Variants in FAM78B observed in about 807,000 individuals in gnomAD.
FAM78B encodes protein FAM78B.
FAM78B carries 10 observed loss-of-function variants against 20.0 expected under a neutral mutation model. That is an observed-to-expected ratio of 0.50 (90% CI 0.31 to 0.85). FAM78B has a LOEUF of 0.85. Ranked by LOEUF, FAM78B falls within the 40% of genes least tolerant of loss-of-function variation. The probability of loss-of-function intolerance (pLI) is 0.05; values close to 1 mark genes in which losing one functional copy is unlikely to be tolerated. For missense variants in FAM78B, 283 were observed against 345.0 expected (o/e 0.82, Z 1.42); for synonymous variants, 135 against 132.8 (o/e 1.02, Z -0.12).
chr1:166,090,989 G>A (rs576169756), intron 1 of FAM78B, among the ~76,000 whole-genome samples: 1 of 152,288 alleles, frequency 6.6e-6, no homozygotes, highest in South Asian at 2.1e-4. Context: ...GTGCGACTGA[G>A]GTTTGGGGAG....
intron 1 of FAM78B, chr1:166,154,672 G>C: frequency 3.9e-6 from 2 of 518,376 alleles, no homozygotes; most frequent in South Asian, 2.9e-5. Context: ...AAAACAGGGG[G>C]AGGTGACCAC....
At chr1:166,109,797 GATATATATGTATATATGTATATATAT>G (rs1653924182) in intron 1 of FAM78B, among the ~76,000 whole-genome samples, 1 of 88,908 alleles carries the variant, frequency 1.1e-5, no homozygotes, top group African/African-American at 3.7e-5. Flanking sequence ...AAGAAACTGT[GATATATATGTATATATGTATATATAT>G]ATATATATGT....
At chr1:166,141,570 T>TA (rs1409517148) in intron 1 of FAM78B, among the ~76,000 whole-genome samples, 1 of 152,210 alleles carries the variant, frequency 6.6e-6, no homozygotes, top group African/African-American at 2.4e-5. Context: ...GAACAGTTGT[T>TA]AAACTAGTAA....
chr1:166,153,366 C>G (rs888498363), intron 1 of FAM78B, among the ~76,000 whole-genome samples: 3 of 152,186 alleles, frequency 2.0e-5, no homozygotes, highest in Admixed American at 6.5e-5. Flanking sequence ...CCAAGACAAG[C>G]AGAGGGTCAG....
intron 1 of FAM78B, among the ~76,000 whole-genome samples, chr1:166,137,048 T>C (rs940932371): frequency 6.6e-6 from 1 of 152,226 alleles, no homozygotes; most frequent in Non-Finnish European, 1.5e-5. Flanking sequence ...CCTTTACTTT[T>C]CCTACAGATC....
intron 1 of FAM78B, among the ~76,000 whole-genome samples, chr1:166,157,818 C>A (rs547713800): frequency 6.6e-6 from 1 of 152,110 alleles, no homozygotes; most frequent in Admixed American, 6.5e-5. Flanking sequence ...TGTAGGCACA[C>A]GGCTAAAAGC....
chr1:166,065,642 C>T (rs1341892456), downstream of FAM78B, among the ~76,000 whole-genome samples: 1 of 152,214 alleles, frequency 6.6e-6, no homozygotes, highest in African/African-American at 2.4e-5. Flanking sequence ...GGGGATGACA[C>T]TCCATCTCCC....
At chr1:166,101,251 G>A (rs1361859190) in intron 1 of FAM78B, among the ~76,000 whole-genome samples, 1 of 152,170 alleles carries the variant, frequency 6.6e-6, no homozygotes, top group Non-Finnish European at 1.5e-5. Flanking sequence ...AAAAAACAGA[G>A]CAGAAAAACT....
At chr1:166,149,373 C>T (rs1024716026) in intron 1 of FAM78B, among the ~76,000 whole-genome samples, 2 of 152,210 alleles carry the variant, frequency 1.3e-5, no homozygotes, top group East Asian at 3.9e-4. Context: ...TTGGGCAATT[C>T]CTTTTTACCT....
At chr1:166,060,756 G>T in intron 2 of FAM78B, 1 of 746,502 alleles carries the variant, frequency 1.3e-6, no homozygotes. Context: ...TCATGATCTG[G>T]GCTCCATTAA....
At chr1:166,087,624 C>T (rs1312579558) in intron 1 of FAM78B, 1 of 152,146 alleles carries the variant, frequency 6.6e-6, no homozygotes, top group East Asian at 1.9e-4. Flanking sequence ...ACAAATGCAA[C>T]AACTTAGATG....
intron 1 of FAM78B, among the ~76,000 whole-genome samples, chr1:166,099,857 A>G (rs931290854): frequency 6.6e-6 from 1 of 152,238 alleles, no homozygotes; most frequent in Non-Finnish European, 1.5e-5. Context: ...TGACAGCACT[A>G]GACAGGTCAT....
intron 1 of FAM78B, among the ~76,000 whole-genome samples, chr1:166,091,803 T>C (rs1002739218): frequency 6.6e-6 from 1 of 152,204 alleles, no homozygotes; most frequent in African/African-American, 2.4e-5. Flanking sequence ...TTCACAATAA[T>C]GCTATGAAAT....
intron 1 of FAM78B, among the ~76,000 whole-genome samples, chr1:166,143,238 T>C (rs1447788355): frequency 6.6e-6 from 1 of 152,102 alleles, no homozygotes; most frequent in Non-Finnish European, 1.5e-5. Flanking sequence ...AGAGGCCTAA[T>C]TCAGACTGGG....
intron 1 of FAM78B, among the ~76,000 whole-genome samples, chr1:166,129,844 A>G (rs912263057): frequency 6.6e-6 from 1 of 152,088 alleles, no homozygotes; most frequent in Non-Finnish European, 1.5e-5. Flanking sequence ...TTGCCACATG[A>G]CCCTCTTCAA....
chr1:166,102,049 A>G (rs1027363833), intron 1 of FAM78B, among the ~76,000 whole-genome samples: 16 of 152,232 alleles, frequency 1.1e-4, no homozygotes, highest in Non-Finnish European at 8.8e-5. Flanking sequence ...AGTGGGGGCC[A>G]ATATTCAACA....
chr1:166,109,844 A>ATG lies in FAM78B; in HGVS notation c.264-39082_264-39081insCA, dbSNP rs1417465026. 2.0e-3 allele frequency among the ~76,000 whole-genome samples: 54 copies of ATG among 26,494 alleles called. 3 individuals are homozygous for ATG. Among genetic ancestry groups the ATG allele is most frequent in the African/African-American group, 5.0e-3 (51 of 10,110 alleles). 17.4% of individuals were successfully genotyped at this position (26,494 alleles called of 152,430 possible). A position where few individuals can be genotyped will look rare whatever the true frequency, so the allele number is the denominator to read the frequency against. The stretch of plus-strand genomic sequence containing the variant: ...TATATATATATATGTATATATGTAT[A>ATG]TATATATATATATATATGTATGTGT... On this transcript the variant is annotated intron_variant, in intron 1 of 1. Transcript: ENST00000354422.
At chr1:166,151,388 T>C (rs1002197909) in intron 1 of FAM78B, among the ~76,000 whole-genome samples, 3 of 152,196 alleles carry the variant, frequency 2.0e-5, no homozygotes, top group Non-Finnish European at 4.4e-5. Flanking sequence ...AATTCTAGAT[T>C]CTAATTCTGA....
chr1:166,123,254 G>T (rs1296013700), intron 1 of FAM78B, among the ~76,000 whole-genome samples: 1 of 152,222 alleles, frequency 6.6e-6, no homozygotes, highest in Non-Finnish European at 1.5e-5. Flanking sequence ...ACCTGTAGCT[G>T]GTTCAGAAGG....
Sources: allele counts gnomAD v4.1 joint callset (sites outside exome capture counted in the v4.1 genomes callset), GRCh38; gene constraint gnomAD v4.1.1; transcripts MANE v1.5; gene names NCBI Gene and HGNC (gene_info 2026-07-23, HGNC 2026-07-21).